The following KAZN variants were observed in gnomAD, a reference collection of about 807,000 sequenced individuals.
The protein encoded by KAZN is kazrin.
In KAZN, 40 loss-of-function variants were observed where a neutral mutation model predicts 87.4. The ratio of observed to expected loss-of-function variants is 0.46; its 90% CI spans 0.36 to 0.60. The LOEUF is 0.60. KAZN is among the 20% of genes least tolerant of loss of function. The pLI is 0.00. For missense variants in KAZN, 898 were observed against 1,073.9 expected (o/e 0.84, Z 2.29); for synonymous variants, 466 against 458.3 (o/e 1.02, Z -0.22).
At chr1:13,970,404 C>A (rs1303022713) in intron 1 of KAZN, among the ~76,000 whole-genome samples, 1 of 152,172 alleles carries the variant, frequency 6.6e-6, no homozygotes. Flanking sequence ...TCTCATTTTA[C>A]AGGTGAGGAG....
chr1:14,342,758 C>T (rs1657826647), intron 2 of KAZN, among the ~76,000 whole-genome samples: 2 of 152,294 alleles, frequency 1.3e-5, no homozygotes, highest in African/African-American at 2.4e-5. Flanking sequence ...TTCAGAAACA[C>T]CTTGTGGGGG....
At chr1:14,138,532 A>G (rs1355882139) in intron 1 of KAZN, among the ~76,000 whole-genome samples, 1 of 152,104 alleles carries the variant, frequency 6.6e-6, no homozygotes, top group African/African-American at 2.4e-5. Context: ...CCCTCAGACC[A>G]ATTCCCTCAG....
At chr1:14,566,586 A>T (rs1353488196) in intron 2 of KAZN, among the ~76,000 whole-genome samples, 1 of 152,178 alleles carries the variant, frequency 6.6e-6, no homozygotes, top group African/African-American at 2.4e-5. Flanking sequence ...CCTAGATGAC[A>T]TATTTTTCCA....
At chr1:15,109,362 C>T (rs560313042) in intron 13 of KAZN, among the ~76,000 whole-genome samples, 35 of 152,226 alleles carry the variant, frequency 2.3e-4, no homozygotes, top group African/African-American at 7.9e-4. Context: ...GAGCGAGACC[C>T]TCGCTCAGAG....
At chr1:14,877,264 G>A (rs139013611) in intron 1 of KAZN, among the ~76,000 whole-genome samples, 1 of 152,244 alleles carries the variant, frequency 6.6e-6, no homozygotes, top group Non-Finnish European at 1.5e-5. Context: ...TCCTCCATAT[G>A]GCTGGGGAAG....
chr1:14,112,823 C>T (rs1165051073), intron 1 of KAZN, among the ~76,000 whole-genome samples: 1 of 152,162 alleles, frequency 6.6e-6, no homozygotes, highest in African/African-American at 2.4e-5. Flanking sequence ...TGTCTCTTGA[C>T]CTTTTCCAAG....
At chr1:14,129,332 C>G in intron 1 of KAZN, among the ~76,000 whole-genome samples, 1 of 152,210 alleles carries the variant, frequency 6.6e-6, no homozygotes, top group East Asian at 1.9e-4. Flanking sequence ...ATCCCTGTGC[C>G]CCTATGGAGT....
At chr1:14,521,744 G>C (rs1671602565) in intron 2 of KAZN, among the ~76,000 whole-genome samples, 1 of 152,174 alleles carries the variant, frequency 6.6e-6, no homozygotes, top group Non-Finnish European at 1.5e-5. Context: ...TTTGAAAACT[G>C]GGGAAAGGGA....
chr1:13,901,741 A>G (rs6429802), intron 1 of KAZN, among the ~76,000 whole-genome samples: 113,147 of 151,866 alleles, frequency 0.75, 42,389 homozygotes, highest in East Asian at 0.9. Context: ...TCTTGTTTCA[A>G]CCTTGTGTGT....
intron 1 of KAZN, among the ~76,000 whole-genome samples, chr1:14,164,766 T>C (rs1978052): frequency 0.42 from 64,313 of 151,668 alleles, 13,981 homozygotes; most frequent in African/African-American, 0.52. Flanking sequence ...TCCCAAATCC[T>C]AACCTCAGGT....
At chr1:14,356,665 C>T (rs1314929874) in intron 2 of KAZN, among the ~76,000 whole-genome samples, 3 of 152,170 alleles carry the variant, frequency 2.0e-5, no homozygotes, top group Non-Finnish European at 2.9e-5. Flanking sequence ...TTTCCCAACA[C>T]CATTTATTAA....
At chr1:14,429,179 A>T (rs1297176597) in intron 2 of KAZN, among the ~76,000 whole-genome samples, 1 of 152,196 alleles carries the variant, frequency 6.6e-6, no homozygotes, top group Non-Finnish European at 1.5e-5. Context: ...TTATAAACAC[A>T]CTAGAGAGAA....
intron 1 of KAZN, among the ~76,000 whole-genome samples, chr1:13,976,141 C>T (rs1638347669): frequency 6.6e-6 from 1 of 152,194 alleles, no homozygotes. Flanking sequence ...AAGTTGGCCT[C>T]TAGAATCCTT....
intron 2 of KAZN, among the ~76,000 whole-genome samples, chr1:14,493,667 T>C (rs1231692643): frequency 6.6e-6 from 1 of 152,260 alleles, no homozygotes; most frequent in Non-Finnish European, 1.5e-5. Context: ...ATAATATCTC[T>C]ACGTGCTCCC....
chr1:14,364,114 A>C (rs1659760434), intron 2 of KAZN, among the ~76,000 whole-genome samples: 1 of 151,894 alleles, frequency 6.6e-6, no homozygotes, highest in Non-Finnish European at 1.5e-5. Context: ...TTCATTAGAG[A>C]TGTGTTGTTG....
intron 2 of KAZN, among the ~76,000 whole-genome samples, chr1:14,478,203 T>A (rs1026696714): frequency 5.5e-5 from 8 of 146,426 alleles, no homozygotes; most frequent in Admixed American, 3.5e-4. Context: ...GATAGATGGA[T>A]GGGTGGATAG....
rs58803467 is a variant in KAZN at position 14,417,993 on chromosome 1, C to CAAA, written c.250-180941_250-180939dup. 4.7e-4 allele frequency among the ~76,000 whole-genome samples: 16 copies of CAAA among 33,810 alleles called. 3 individuals carry two copies. The highest frequency in any genetic ancestry group is 3.0e-3 in the East Asian group (3 of 984). The allele number at this position is 33,810 out of a possible 152,430, so 22.2% of individuals were successfully genotyped here. A position where few individuals can be genotyped will look rare whatever the true frequency, so the allele number is the denominator to read the frequency against. ...GCTGGGCGACAGAGTGAGACTGCCT[C>CAAA]AAAAAAAAAAAAAAAAAAAAAAAAA... On this transcript the variant is annotated intron_variant, in intron 2 of 16. Coordinates refer to the KAZN transcript ENST00000636203.
At chr1:14,828,804 C>G (rs1201502643) in intron 1 of KAZN, among the ~76,000 whole-genome samples, 1 of 152,156 alleles carries the variant, frequency 6.6e-6, no homozygotes, top group East Asian at 1.9e-4. Context: ...AAGTTGGCAT[C>G]CAGAGGTTGG....
chr1:14,755,785 C>A (rs1644546913), intron 1 of KAZN, among the ~76,000 whole-genome samples: 1 of 152,102 alleles, frequency 6.6e-6, no homozygotes, highest in Non-Finnish European at 1.5e-5. Flanking sequence ...CAATTAAGAG[C>A]CGGGAAGAAA....
Sources: gnomAD v4.1 joint callset for allele counts (sites outside exome capture counted in the v4.1 genomes callset) on GRCh38, gnomAD v4.1.1 for gene constraint, MANE v1.5 for transcripts, NCBI Gene and HGNC (gene_info 2026-07-23, HGNC 2026-07-21) for gene names.